The following MITF variants were observed in gnomAD, a reference collection of about 807,000 sequenced individuals.
MITF encodes microphthalmia-associated transcription factor.
Under a neutral mutation model 60.5 loss-of-function variants are expected in MITF, and 17 were observed. The ratio of observed to expected loss-of-function variants is 0.28; its 90% CI spans 0.19 to 0.42. MITF has a LOEUF of 0.42. MITF is among the 10% of genes least tolerant of loss of function. MITF has a pLI of 1.00. For synonymous variants in MITF, 260 were observed against 248.5 expected, an observed-to-expected ratio of 1.05 and a Z score of -0.43; for missense variants, 622 against 683.5, an observed-to-expected ratio of 0.91 and a Z score of 1.00.
chr3:69,944,765 A>G (rs1177942910), intron 5 of MITF, among the ~76,000 whole-genome samples: 1 of 152,200 alleles, frequency 6.6e-6, no homozygotes, highest in East Asian at 1.9e-4. Flanking sequence ...GTAGCCCACA[A>G]AAAGCATTTA....
intron 1 of MITF, among the ~76,000 whole-genome samples, chr3:69,755,189 G>A (rs926139416): frequency 3.9e-5 from 6 of 152,246 alleles, no homozygotes; most frequent in South Asian, 4.1e-4. Flanking sequence ...TAGCTAAGTG[G>A]AGAAATAAAT....
At chr3:69,892,849 G>C (rs2107322850) in intron 2 of MITF, among the ~76,000 whole-genome samples, 1 of 152,200 alleles carries the variant, frequency 6.6e-6, no homozygotes, top group African/African-American at 2.4e-5. Flanking sequence ...TTTACACTGG[G>C]GCATTGACAT....
chr3:69,798,903 C>T (rs2106943479), intron 1 of MITF, among the ~76,000 whole-genome samples: 1 of 152,370 alleles, frequency 6.6e-6, no homozygotes, highest in East Asian at 1.9e-4. Context: ...CCTGATACAT[C>T]ACCTTCATTT....
intron 2 of MITF, among the ~76,000 whole-genome samples, chr3:69,902,712 C>T (rs2065019450): frequency 6.6e-6 from 1 of 152,162 alleles, no homozygotes; most frequent in Non-Finnish European, 1.5e-5. Flanking sequence ...TCTTTAGTTA[C>T]ACCCATAACC....
At position 69,963,970 on chromosome 3, in the gene MITF, C is replaced by CTTTTTTT. The variant is rs56921812; in HGVS notation, c.1180-860_1180-854dup. ...ACTGAATATGTTTCTTTTTTCTTTT[C>CTTTTTTT]TTTTTTTTTTTTTTTTTTTTTTTGA... is the stretch of plus-strand genomic sequence containing the variant. On this transcript the variant is annotated intron_variant, in intron 9 of 9. Transcript: ENST00000352241. Among the ~76,000 whole-genome samples, 90 of 86,114 alleles carry CTTTTTTT rather than the reference C, an allele frequency of 1.0e-3. 1 individual carries two copies. The highest frequency in any genetic ancestry group is 2.0e-3 in the African/African-American group (41 of 20,810). 56.5% of individuals were successfully genotyped at this position (86,114 alleles called of 152,430 possible). A position where few individuals can be genotyped will look rare whatever the true frequency, so the allele number is the denominator to read the frequency against.
At chr3:69,900,884 T>G (rs1388199292) in intron 2 of MITF, among the ~76,000 whole-genome samples, 1 of 152,022 alleles carries the variant, frequency 6.6e-6, no homozygotes, top group African/African-American at 2.4e-5. Context: ...ACTATTAAAA[T>G]CAGAAGAATT....
chr3:69,917,230 C>G (rs2065355272), intron 2 of MITF, among the ~76,000 whole-genome samples: 2 of 152,044 alleles, frequency 1.3e-5, no homozygotes, highest in Admixed American at 1.3e-4. Flanking sequence ...ACCGAAAAGT[C>G]TCTTTTGTGC....
At chr3:69,877,788 G>A (rs2064388742) in intron 1 of MITF, among the ~76,000 whole-genome samples, 1 of 152,078 alleles carries the variant, frequency 6.6e-6, no homozygotes, top group East Asian at 1.9e-4. Flanking sequence ...GATATTTAAG[G>A]CTTCATTTTG....
chr3:69,897,297 A>G (rs1270649611), intron 2 of MITF, among the ~76,000 whole-genome samples: 1 of 152,202 alleles, frequency 6.6e-6, no homozygotes, highest in Admixed American at 6.5e-5. Flanking sequence ...ATGAGTGATG[A>G]AAGTGTTGGC....
intron 1 of MITF, among the ~76,000 whole-genome samples, chr3:69,817,749 A>G (rs1386618104): frequency 2.6e-5 from 4 of 152,258 alleles, no homozygotes; most frequent in Non-Finnish European, 5.9e-5. Context: ...GTATTTTTCT[A>G]TATGTTTGAT....
chr3:69,777,714 A>G (rs1286852351), intron 1 of MITF, among the ~76,000 whole-genome samples: 89 of 152,184 alleles, frequency 5.8e-4, no homozygotes, highest in Admixed American at 5.8e-3. Flanking sequence ...AAGTTATCCC[A>G]TCAAAAATAT....
intron 1 of MITF, among the ~76,000 whole-genome samples, chr3:69,748,870 C>T (rs1703826001): frequency 1.3e-5 from 2 of 152,148 alleles, no homozygotes; most frequent in Admixed American, 6.5e-5. Context: ...GTTGACTTGC[C>T]TCAGTGGAAA....
chr3:69,919,901 C>T (rs1575963461), intron 2 of MITF, among the ~76,000 whole-genome samples: 2 of 151,082 alleles, frequency 1.3e-5, no homozygotes, highest in African/African-American at 2.4e-5. Context: ...GCCACCCAGG[C>T]GCCAAGGCAA....
chr3:69,925,147 C>A (rs768062128), intron 2 of MITF, among the ~76,000 whole-genome samples: 1 of 152,078 alleles, frequency 6.6e-6, no homozygotes, highest in Non-Finnish European at 1.5e-5. Context: ...GTGCCAAGTA[C>A]TTTTCATGCA....
At chr3:69,745,504 T>C (rs1351417008) in intron 1 of MITF, among the ~76,000 whole-genome samples, 2 of 152,098 alleles carry the variant, frequency 1.3e-5, no homozygotes, top group Non-Finnish European at 2.9e-5. Context: ...GGTGTTTGAG[T>C]TTGGCCTTAA....
intron 2 of MITF, among the ~76,000 whole-genome samples, chr3:69,903,766 T>C (rs2065041491): frequency 6.6e-6 from 1 of 152,204 alleles, no homozygotes; most frequent in Non-Finnish European, 1.5e-5. Flanking sequence ...TCATAGCTTC[T>C]GACTCTGCGT....
rs551319953 is a variant in MITF at position 69,895,320 on chromosome 3, T to A, written c.354+15937T>A. On this transcript the variant is annotated intron_variant, in intron 2 of 9. Transcript: ENST00000352241. ...GGCAACAGGTGAGTTGAGAAAAGCC[T>A]CTTTTTTAGATACGCTATTATTTTG... 4.6e-5 allele frequency among the ~76,000 whole-genome samples: 7 copies of A among 152,330 alleles called. No homozygotes were observed. The East Asian group carries it at 1.3e-3, about 29-fold the overall frequency.
At chr3:69,814,607 A>G (rs1232178857) in intron 1 of MITF, among the ~76,000 whole-genome samples, 3 of 152,094 alleles carry the variant, frequency 2.0e-5, no homozygotes, top group Non-Finnish European at 2.9e-5. Flanking sequence ...GGGATGAACC[A>G]GTGTGCCCGG....
intron 1 of MITF, among the ~76,000 whole-genome samples, chr3:69,847,356 C>G (rs2063749742): frequency 6.6e-6 from 1 of 152,178 alleles, no homozygotes; most frequent in South Asian, 2.1e-4. Context: ...CTGCCTGTTT[C>G]CTTCCTAAGA....
Sources: gnomAD v4.1 joint callset for allele counts (sites outside exome capture counted in the v4.1 genomes callset) on GRCh38, gnomAD v4.1.1 for gene constraint, MANE v1.5 for transcripts, NCBI Gene and HGNC (gene_info 2026-07-23, HGNC 2026-07-21) for gene names.